LRCH1: variants seen among roughly 807,000 people sequenced by gnomAD.
LRCH1 encodes the protein leucine rich repeats and calponin homology domain containing 1, also known as leucine-rich repeat and calponin homology domain-containing protein 1.
In LRCH1, 23 loss-of-function variants were observed where a neutral mutation model predicts 94.9. That is an observed-to-expected ratio of 0.24 (90% CI 0.17 to 0.34). The LOEUF is 0.34. Among genes scored for constraint, LRCH1 ranks in the 10% least tolerant of loss-of-function variants. The probability of loss-of-function intolerance (pLI) is 1.00; values close to 1 mark genes in which losing one functional copy is unlikely to be tolerated. For synonymous variants in LRCH1, 364 were observed against 354.9 expected (o/e 1.03, Z -0.29); for missense variants, 790 against 945.9 (o/e 0.84, Z 2.16).
chr13:46,746,296 G>C (rs914423155), downstream of LRCH1, among the ~76,000 whole-genome samples: 3 of 152,172 alleles, frequency 2.0e-5, no homozygotes, highest in Admixed American at 1.3e-4. Flanking sequence ...GTTGGTGCCA[G>C]GCACATAGGA....
At chr13:46,712,423 A>T in intron 14 of LRCH1, 102 bp from the exon 15 acceptor site, 1 of 871,052 alleles carries the variant, frequency 1.1e-6, no homozygotes, top group Non-Finnish European at 1.8e-6. Context: ...GAATGCAAAA[A>T]GGGAGTAGTT....
intron 1 of LRCH1, among the ~76,000 whole-genome samples, chr13:46,589,346 G>T (rs2050472485): frequency 6.6e-6 from 1 of 152,020 alleles, no homozygotes; most frequent in African/African-American, 2.4e-5. Flanking sequence ...TTGAGCATCT[G>T]TTTCCTAATA....
intron 8 of LRCH1, among the ~76,000 whole-genome samples, chr13:46,693,803 A>G (rs1277709717): frequency 6.6e-6 from 1 of 152,192 alleles, no homozygotes; most frequent in African/African-American, 2.4e-5. Flanking sequence ...GGAAAATACA[A>G]GCATTTAGTT....
At chr13:46,647,849 C>T (rs1039083074) in intron 1 of LRCH1, among the ~76,000 whole-genome samples, 2 of 149,614 alleles carry the variant, frequency 1.3e-5, no homozygotes, top group East Asian at 3.9e-4. Context: ...GAACTACTGG[C>T]CTTGTGTCTT....
intron 2 of LRCH1, among the ~76,000 whole-genome samples, chr13:46,653,431 A>G (rs2051332145): frequency 6.6e-6 from 1 of 152,228 alleles, no homozygotes; most frequent in South Asian, 2.1e-4. Flanking sequence ...AAAAAAGTGT[A>G]GCTATCCTCT....
intron 2 of LRCH1, among the ~76,000 whole-genome samples, chr13:46,663,360 G>A (rs1443176468): frequency 1.3e-5 from 2 of 152,024 alleles, no homozygotes; most frequent in Non-Finnish European, 2.9e-5. Context: ...GTTGCTCATT[G>A]TCTTAGACGT....
chr13:46,609,494 T>C (rs921378699), intron 1 of LRCH1, among the ~76,000 whole-genome samples: 1 of 152,188 alleles, frequency 6.6e-6, no homozygotes, highest in African/African-American at 2.4e-5. Context: ...AACATGTAGC[T>C]ACTGATATTT....
rs779499234 is a variant in LRCH1 at position 46,694,957 on chromosome 13, A to G, written c.1185A>G (p.Glu395=). ...SLLGDSTNSG[E]ERDQFTDRAD... Reference sequence around the variant, plus strand: ...TGGGTGACAGCACCAACTCAGGAGAAGAAAGAGACCAGTTTACTGATAGAG... The same window carrying G: ...TGGGTGACAGCACCAACTCAGGAGAGGAAAGAGACCAGTTTACTGATAGAG... The change falls in exon 9 of 20, where the codon GAA becomes GAG. Residue 395 remains glutamate, a synonymous_variant. Transcript: ENST00000389797. The G allele has an allele frequency of 1.2e-6, 2 of 1,614,200 alleles. No homozygotes were observed. Among genetic ancestry groups the G allele is most frequent in the Non-Finnish European group, 1.7e-6 (2 of 1,179,982 alleles).
At chr13:46,699,463 T>C in intron 10 of LRCH1, 60 bp downstream of exon 10, 3 of 1,440,288 alleles carry the variant, frequency 2.1e-6, no homozygotes, top group Non-Finnish European at 2.0e-6. Context: ...GCAAGCAGTC[T>C]GGCAGTTCTG....
chr13:46,617,800 T>C (rs2050829078), intron 1 of LRCH1, among the ~76,000 whole-genome samples: 1 of 152,226 alleles, frequency 6.6e-6, no homozygotes. Flanking sequence ...AAAGCTCTCA[T>C]TCAGGATAGG....
chr13:46,554,138 C>T (rs942910695), intron 1 of LRCH1, among the ~76,000 whole-genome samples: 1 of 152,262 alleles, frequency 6.6e-6, no homozygotes, highest in Non-Finnish European at 1.5e-5. Flanking sequence ...GCGCCTCCAA[C>T]CAGTTCAAGC....
At chr13:46,723,148 G>T in intron 16 of LRCH1, 73 bp from the exon 17 acceptor site, 1 of 748,244 alleles carries the variant, frequency 1.3e-6, no homozygotes, top group Non-Finnish European at 2.2e-6. Flanking sequence ...TTAAAATACT[G>T]TTTGATTTTA....
At chr13:46,728,481 G>T (rs867622692) in intron 17 of LRCH1, among the ~76,000 whole-genome samples, 4 of 152,214 alleles carry the variant, frequency 2.6e-5, no homozygotes, top group Non-Finnish European at 4.4e-5. Flanking sequence ...CTCCCAAAGT[G>T]CTGGGATTAC....
chr13:46,626,251 G>T (rs2050947944), intron 1 of LRCH1, among the ~76,000 whole-genome samples: 1 of 152,142 alleles, frequency 6.6e-6, no homozygotes, highest in East Asian at 1.9e-4. Flanking sequence ...TCCCTTGGTT[G>T]TATTACACTA....
chr13:46,579,640 G>A (rs980070406), intron 1 of LRCH1, among the ~76,000 whole-genome samples: 9 of 152,030 alleles, frequency 5.9e-5, no homozygotes, highest in Admixed American at 3.9e-4. Context: ...CAACAAGAGC[G>A]GATCATCTTC....
chr13:46,701,087 C>G, intron 10 of LRCH1, 34 bp from the exon 11 acceptor site: 2 of 1,334,584 alleles, frequency 1.5e-6, no homozygotes, highest in South Asian at 2.4e-5. Context: ...TTGTATTGAT[C>G]GTTTTCATTC....
In LRCH1 at chr13:46,669,090, C is replaced by T. The variant is rs770538140; in HGVS notation, c.513C>T (p.Ile171=). 7.4e-6 allele frequency: 12 copies of T among 1,614,158 alleles called. No homozygotes were observed. Among genetic ancestry groups the T allele is most frequent in the South Asian group, 4.4e-5 (4 of 91,078 alleles). ...GTGGTCTGCCTCTCAAAGTCTTAAT[C>T]GCAAGTAACAACAAACTTGGATCAT... The part of the protein sequence containing the change: ...CLCGLPLKVL[I]ASNNKLGSLP... Residue 171 remains isoleucine (I), a synonymous_variant, in exon 3 of 20, where the codon ATC becomes ATT. Coordinates refer to ENST00000389797, the MANE Select transcript of LRCH1 (RefSeq NM_001164211.2).
chr13:46,642,005 A>G (rs770172420), intron 1 of LRCH1, among the ~76,000 whole-genome samples: 11 of 152,186 alleles, frequency 7.2e-5, no homozygotes, highest in Non-Finnish European at 1.3e-4. Flanking sequence ...CTGCCTAGGT[A>G]TGTTTGCACA....
At chr13:46,747,741 A>ATT (rs111283853), downstream of LRCH1, among the ~76,000 whole-genome samples, 168 of 144,600 alleles carry the variant, frequency 1.2e-3, 2 homozygotes, top group East Asian at 0.018. Flanking sequence ...ATGCTTTGTA[A>ATT]TTTTTTTTTT....
Sources: allele counts gnomAD v4.1 joint callset (sites outside exome capture counted in the v4.1 genomes callset), GRCh38; gene constraint gnomAD v4.1.1; transcripts MANE v1.5; gene names NCBI Gene and HGNC (gene_info 2026-07-23, HGNC 2026-07-21).